The following SLC30A8 variants were observed in gnomAD, a reference collection of about 807,000 sequenced individuals.
The protein encoded by SLC30A8 is proton-coupled zinc antiporter SLC30A8.
A neutral mutation model predicts 36.9 loss-of-function variants in SLC30A8; 27 were observed. That is an observed-to-expected ratio of 0.73 (90% CI 0.54 to 1.01). The LOEUF is 1.01. SLC30A8 is among the 50% of genes least tolerant of loss of function. The pLI is 0.00. For synonymous variants in SLC30A8, 164 were observed against 172.4 expected, an observed-to-expected ratio of 0.95 and a Z score of 0.38; for missense variants, 439 against 452.0, an observed-to-expected ratio of 0.97 and a Z score of 0.26.
chr8:117,038,753 C>T (rs566746553), intron 1 of SLC30A8, among the ~76,000 whole-genome samples: 1 of 152,300 alleles, frequency 6.6e-6, no homozygotes, highest in South Asian at 2.1e-4. Flanking sequence ...GTTCGATGCT[C>T]CACACTTTGG....
intron 2 of SLC30A8, among the ~76,000 whole-genome samples, chr8:117,114,741 C>T (rs1820373708): frequency 6.6e-6 from 1 of 152,054 alleles, no homozygotes; most frequent in African/African-American, 2.4e-5. Context: ...TATGCTTCCC[C>T]AGCTATAAAA....
chr8:117,158,217 G>A (rs1586602786), intron 4 of SLC30A8, among the ~76,000 whole-genome samples: 2 of 152,230 alleles, frequency 1.3e-5, no homozygotes, highest in African/African-American at 4.8e-5. Context: ...ATCCAGATTC[G>A]CAGACCCAGA....
intron 1 of SLC30A8, among the ~76,000 whole-genome samples, chr8:117,140,047 A>C (rs1383839010): frequency 6.6e-6 from 1 of 152,054 alleles, no homozygotes; most frequent in Non-Finnish European, 1.5e-5. Flanking sequence ...ATTATTTTTT[A>C]AAAAAGAACC....
At chr8:116,992,108 C>T (rs902587485) in intron 1 of SLC30A8, among the ~76,000 whole-genome samples, 6 of 151,986 alleles carry the variant, frequency 3.9e-5, no homozygotes, top group Admixed American at 2.0e-4. Context: ...AAATTACTTG[C>T]GTCAATGAAC....
chr8:116,961,327 G>T (rs961436266), intron 1 of SLC30A8, among the ~76,000 whole-genome samples: 1 of 152,144 alleles, frequency 6.6e-6, no homozygotes, highest in African/African-American at 2.4e-5. Flanking sequence ...TACTCGGGAG[G>T]CTGAGGCAGG....
chr8:117,133,372 C>T (rs1821214695), upstream of SLC30A8, among the ~76,000 whole-genome samples: 1 of 151,968 alleles, frequency 6.6e-6, no homozygotes, highest in South Asian at 2.1e-4. Context: ...GTATCCTTCA[C>T]ACTCATTATA....
chr8:116,970,650 C>A lies in SLC30A8; in HGVS notation c.-266+19531C>A, dbSNP rs949690068. ...CAGCTTCATTTTAATTGTATGGGAC[C>A]ACCATCATATATGCTGTCTGTTGAC... On this transcript the variant is annotated intron_variant, in intron 1 of 10. Coordinates refer to the SLC30A8 transcript ENST00000427715. Among the ~76,000 whole-genome samples, 8 of 152,186 alleles carry A rather than the reference C, an allele frequency of 5.3e-5. No homozygotes were observed. In the East Asian group the frequency reaches 1.5e-3, roughly 29 times the overall value.
At chr8:117,041,689 C>CAAA (rs536041878) in intron 2 of SLC30A8, among the ~76,000 whole-genome samples, 1 of 144,472 alleles carries the variant, frequency 6.9e-6, no homozygotes, top group African/African-American at 2.6e-5. Flanking sequence ...AACTCTGTCT[C>CAAA]AAAAAAAAAA....
intron 1 of SLC30A8, among the ~76,000 whole-genome samples, chr8:116,967,975 TG>T (rs1180138480): frequency 6.6e-6 from 1 of 152,190 alleles, no homozygotes; most frequent in African/African-American, 2.4e-5. Flanking sequence ...AGATGAGGGT[TG>T]GGCTGGCTTT....
intron 6 of SLC30A8, chr8:117,164,160 A>G (rs1822938734): frequency 6.6e-6 from 1 of 152,306 alleles, no homozygotes; most frequent in Non-Finnish European, 1.5e-5. Context: ...TGAGAAACAG[A>G]GCAGATCAAA....
intron 1 of SLC30A8, among the ~76,000 whole-genome samples, chr8:117,011,599 T>A (rs902859629): frequency 1.3e-5 from 2 of 152,182 alleles, no homozygotes; most frequent in African/African-American, 4.8e-5. Context: ...TTAGAGTTCG[T>A]GGTGGACCCT....
intron 6 of SLC30A8, among the ~76,000 whole-genome samples, chr8:117,170,152 C>T (rs1262500229): frequency 2.0e-5 from 3 of 152,134 alleles, no homozygotes; most frequent in Non-Finnish European, 4.4e-5. Flanking sequence ...TTTAATTGGT[C>T]TTGGGTGTAA....
At chr8:117,088,086 G>A (rs1818952585) in intron 2 of SLC30A8, among the ~76,000 whole-genome samples, 1 of 151,940 alleles carries the variant, frequency 6.6e-6, no homozygotes, top group South Asian at 2.1e-4. Context: ...GAGAGAGAGA[G>A]AATGGAGGGA....
chr8:117,131,497 G>T (rs1338440928), upstream of SLC30A8, among the ~76,000 whole-genome samples: 4 of 151,972 alleles, frequency 2.6e-5, no homozygotes, highest in African/African-American at 9.7e-5. Flanking sequence ...ATTCTGAATG[G>T]CACTCTACTG....
intron 1 of SLC30A8, among the ~76,000 whole-genome samples, chr8:116,978,457 T>TTG (rs1815130673): frequency 1.6e-5 from 1 of 63,276 alleles, no homozygotes; most frequent in Non-Finnish European, 3.3e-5. Flanking sequence ...GCTTGATGCT[T>TTG]TATATAGTCT....
In SLC30A8 at chr8:117,156,215, G is replaced by A. The variant is rs1407787707; in HGVS notation, c.419-1476G>A. On this transcript the variant is annotated intron_variant, in intron 3 of 7. Transcript: ENST00000456015. The stretch of plus-strand genomic sequence containing the variant: ...TCACCATGTCTGGCTAATTTTTTTT[G>A]TATTTTTAGTAGAGATGGGGTTTCA... Among the ~76,000 whole-genome samples the A allele has an allele frequency of 2.0e-5, 3 of 151,850 alleles. 1 individual carries two copies. The highest frequency in any genetic ancestry group is 2.9e-5 in the Non-Finnish European group (2 of 67,940).
intron 1 of SLC30A8, among the ~76,000 whole-genome samples, chr8:116,976,836 T>TTCTTTTCTTTTC (rs1815045813): frequency 2.8e-5 from 4 of 141,574 alleles, no homozygotes; most frequent in African/African-American, 8.1e-5. Flanking sequence ...TTTTTTTTTT[T>TTCTTTTCTTTTC]TTACAGAGTC....
At chr8:117,100,361 A>C (rs974377176) in intron 2 of SLC30A8, among the ~76,000 whole-genome samples, 1 of 152,180 alleles carries the variant, frequency 6.6e-6, no homozygotes, top group Non-Finnish European at 1.5e-5. Flanking sequence ...TCTCCATAAA[A>C]GTATTTTGAG....
In SLC30A8 at chr8:117,176,004, C is replaced by T. The variant is rs1823661618; in HGVS notation, c.*3323C>T. 6.6e-6 allele frequency: 1 copy of T among 152,002 alleles called. No individual in the cohort carries two copies. The highest frequency in any genetic ancestry group is 1.5e-5 in the Non-Finnish European group (1 of 67,986). The allele number at this position is 152,002 out of a possible 1,614,324, so 9.4% of individuals were successfully genotyped here. On this transcript the variant is annotated 3_prime_UTR_variant, in exon 8 of 8. Transcript: ENST00000456015. ...TTTATTAATAAAAAGAACAACTGTC[C>T]AGTGCAATGAAGGCAAAGTCATAGG...
Sources: gnomAD v4.1 joint callset for allele counts (sites outside exome capture counted in the v4.1 genomes callset) on GRCh38, gnomAD v4.1.1 for gene constraint, MANE v1.5 for transcripts, NCBI Gene and HGNC (gene_info 2026-07-23, HGNC 2026-07-21) for gene names.